DNAJB13: variants seen among roughly 807,000 people sequenced by gnomAD.
The protein encoded by DNAJB13 is dnaJ homolog subfamily B member 13.
DNAJB13 carries 22 observed loss-of-function variants against 35.6 expected under a neutral mutation model. That is an observed-to-expected ratio of 0.62 (90% CI 0.44 to 0.88). The LOEUF is 0.88. DNAJB13 is among the 40% of genes least tolerant of loss of function. DNAJB13 has a pLI of 0.00. For missense variants in DNAJB13, 370 were observed against 384.3 expected, an observed-to-expected ratio of 0.96 and a Z score of 0.31; for synonymous variants, 136 against 144.2, an observed-to-expected ratio of 0.94 and a Z score of 0.41.
intron 1 of DNAJB13, among the ~76,000 whole-genome samples, chr11:73,954,820 G>A (rs1179799117): frequency 1.3e-5 from 2 of 150,862 alleles, no homozygotes. Context: ...GCGTGGTGAC[G>A]GGTACCTGTA....
chr11:73,965,942 G>A, intron 4 of DNAJB13, 196 bp from the exon 5 acceptor site: 1 of 573,652 alleles, frequency 1.7e-6, no homozygotes, highest in Non-Finnish European at 3.1e-6. Context: ...GATGGGAGTG[G>A]GAGTGGCTCA....
At chr11:73,951,997 G>A (rs900144246) in intron 1 of DNAJB13, among the ~76,000 whole-genome samples, 1 of 152,122 alleles carries the variant, frequency 6.6e-6, no homozygotes, top group Non-Finnish European at 1.5e-5. Context: ...TACCACAAGG[G>A]TTGAGAGGGT....
chr11:73,958,569 C>T, intron 2 of DNAJB13, 149 bp downstream of exon 2: 1 of 787,850 alleles, frequency 1.3e-6, no homozygotes, highest in Non-Finnish European at 2.0e-6. Flanking sequence ...AGAATACGGA[C>T]CCGCCTTTCT....
At chr11:73,953,680 A>T (rs1344731212) in intron 1 of DNAJB13, among the ~76,000 whole-genome samples, 1 of 152,154 alleles carries the variant, frequency 6.6e-6, no homozygotes, top group Non-Finnish European at 1.5e-5. Flanking sequence ...AGGCAGGCCC[A>T]GGCCTGGTTT....
chr11:73,959,799 G>C, intron 3 of DNAJB13, 144 bp downstream of exon 3: 1 of 856,780 alleles, frequency 1.2e-6, no homozygotes, highest in South Asian at 3.0e-5. Flanking sequence ...GACTCACTCT[G>C]TTTCCCAGGC....
At chr11:73,967,530 A>G (rs1565178313) in intron 5 of DNAJB13, among the ~76,000 whole-genome samples, 1 of 152,076 alleles carries the variant, frequency 6.6e-6, no homozygotes, top group Non-Finnish European at 1.5e-5. Context: ...GAATCACTTG[A>G]GCTCAGAAGT....
Position 73,958,425 on chromosome 11 carries a change from G to C in DNAJB13, c.172+5G>C. ...CCTACGACGTGCTGAGTGACCGTGA[G>C]TAGGTGTGGGGCTGAGCACCCCGCT... is the stretch of plus-strand genomic sequence containing the variant. On this transcript the variant is annotated splice_donor_5th_base_variant and intron_variant, in intron 2 of 7. Transcript: ENST00000339764. 1 of 1,613,672 alleles carries C rather than the reference G, an allele frequency of 6.2e-7. No homozygotes were observed. Among genetic ancestry groups the C allele is most frequent in the Non-Finnish European group, 8.5e-7 (1 of 1,179,628 alleles).
rs115873423 is a variant in DNAJB13 at position 73,968,792 on chromosome 11, T to A, written c.720+334T>A. Among the ~76,000 whole-genome samples, 3,047 of 152,224 alleles carry A rather than the reference T, an allele frequency of 0.02. 111 individuals are homozygous for A. Among genetic ancestry groups the A allele is most frequent in the African/African-American group, 0.068 (2,809 of 41,522 alleles). Reference sequence around the variant, plus strand: ...GGCCCTCTGCGATCTGCTCCCTGCTTACTCCTTCCCCTGCACTCCCGCCCC... The same window carrying A: ...GGCCCTCTGCGATCTGCTCCCTGCTAACTCCTTCCCCTGCACTCCCGCCCC... On this transcript the variant is annotated intron_variant, in intron 6 of 7. Transcript: ENST00000339764.
At chr11:73,953,760 G>T (rs899277480) in intron 1 of DNAJB13, among the ~76,000 whole-genome samples, 1 of 151,870 alleles carries the variant, frequency 6.6e-6, no homozygotes, top group African/African-American at 2.4e-5. Flanking sequence ...CAGGTACTGA[G>T]TATAAAACAA....
intron 1 of DNAJB13, among the ~76,000 whole-genome samples, chr11:73,956,536 C>G (rs1345305095): frequency 6.6e-6 from 1 of 152,176 alleles, no homozygotes; most frequent in Non-Finnish European, 1.5e-5. Flanking sequence ...GGCGCTGTGG[C>G]TCATGCCTGT....
intron 4 of DNAJB13, 108 bp from the exon 5 acceptor site, chr11:73,966,030 T>G: frequency 1.0e-6 from 1 of 995,556 alleles, no homozygotes. Flanking sequence ...ATAGAGCATC[T>G]TTCACGTGTG....
In DNAJB13 at chr11:73,970,006, G is replaced by A. The variant is rs199708737; in HGVS notation, c.843G>A (p.Pro281=). ...KKVPGEGMPL[P]EDPTKKGDLF... ...TGCCAGGGGAGGGGATGCCATTGCC[G>A]GAGGACCCCACTAAGAAAGGGGATC... is the stretch of plus-strand genomic sequence containing the variant. Residue 281 remains proline (P), a synonymous_variant, in exon 8 of 8, where the codon CCG becomes CCA. Coordinates refer to ENST00000339764, the MANE Select transcript of DNAJB13 (RefSeq NM_153614.4). The A allele has an allele frequency of 1.1e-5, 17 of 1,611,204 alleles. No homozygotes were observed. The highest frequency in any genetic ancestry group is 2.2e-5 in the East Asian group (1 of 44,822).
chr11:73,958,567 G>T (rs1464427526), intron 2 of DNAJB13, 147 bp downstream of exon 2: 2 of 796,918 alleles, frequency 2.5e-6, no homozygotes, highest in African/African-American at 3.5e-5. Flanking sequence ...ACAGAATACG[G>T]ACCCGCCTTT....
Position 73,964,994 on chromosome 11 carries a change from T to G in DNAJB13, c.451T>G (p.Leu151Val). 1 of 1,604,284 alleles carries G rather than the reference T, an allele frequency of 6.2e-7. No individual in the cohort carries two copies. The highest frequency in any genetic ancestry group is 8.5e-7 in the Non-Finnish European group (1 of 1,176,566). The change falls in exon 4 of 8, where the codon TTA becomes GTA. Residue 151 changes from leucine to valine, a missense_variant. By Grantham distance (32) the Leu-to-Val change is conservative. Transcript: ENST00000339764. ...ERDLYLSLED[L>V]FFGCTKKIKI... The stretch of plus-strand genomic sequence containing the variant: ...GGATCTCTACCTGTCCCTGGAGGAC[T>G]TATTCTTTGGCTGCACCAAAAAAAT...
chr11:73,970,026 G>A lies in DNAJB13; in HGVS notation c.863G>A (p.Gly288Glu). 3.1e-6 allele frequency: 5 copies of A among 1,611,784 alleles called. No homozygotes were observed. The highest frequency in any genetic ancestry group is 4.2e-6 in the Non-Finnish European group (5 of 1,178,848). The change falls in exon 8 of 8, where the codon GGG (glycine) becomes GAG (glutamate). Residue 288 changes from glycine (G) to glutamate (E), a missense_variant. By Grantham distance (98) the Gly-to-Glu change is moderately conservative. Transcript: ENST00000339764. Reference sequence around the variant, plus strand: ...TTGCCGGAGGACCCCACTAAGAAAGGGGATCTCTTCATCTTCTTCGACATC... The same window carrying A: ...TTGCCGGAGGACCCCACTAAGAAAGAGGATCTCTTCATCTTCTTCGACATC... The part of the protein sequence containing the change: ...MPLPEDPTKK[G>E]DLFIFFDIQF...
At chr11:73,969,020 C>A (rs111799892) in intron 6 of DNAJB13, among the ~76,000 whole-genome samples, 3 of 152,322 alleles carry the variant, frequency 2.0e-5, no homozygotes, top group African/African-American at 4.8e-5. Flanking sequence ...TTTATTCTGT[C>A]TCCATCATTA....
At position 73,964,942 on chromosome 11, in the gene DNAJB13, C is replaced by A. The variant is rs759437061; in HGVS notation, c.399C>A (p.Val133=). ...LNFGGLQGRG[V]KKQDPQVERD... ...TTGGGGGGCTCCAGGGCCGAGGGGT[C>A]AAGAAGCAGGACCCCCAAGTCGAAC... The change falls in exon 4 of 8, where the codon GTC becomes GTA. Residue 133 remains valine, a synonymous_variant. Coordinates refer to ENST00000339764, the MANE Select transcript of DNAJB13 (RefSeq NM_153614.4). 3.1e-6 allele frequency: 5 copies of A among 1,613,346 alleles called. No individual in the cohort carries two copies. Among genetic ancestry groups the A allele is most frequent in the Non-Finnish European group, 4.2e-6 (5 of 1,179,872 alleles).
Position 73,958,362 on chromosome 11 carries a change from G to A in DNAJB13, c.114G>A (p.Glu38=), listed in dbSNP as rs141838089. 25 of 1,614,038 alleles carry A rather than the reference G, an allele frequency of 1.5e-5. No individual in the cohort carries two copies. The highest frequency in any genetic ancestry group is 1.6e-5 in the Non-Finnish European group (19 of 1,180,038). Residue 38 remains glutamate (E), a synonymous_variant, in exon 2 of 8, where the codon GAG becomes GAA. Transcript: ENST00000339764. ...AGCACCACCCGTTGAAGTCAAATGA[G>A]CCGTCTTCAGCAGAGATTTTCAGGC... ...ALKHHPLKSN[E]PSSAEIFRQI...
intron 5 of DNAJB13, among the ~76,000 whole-genome samples, chr11:73,966,540 A>C (rs1951121504): frequency 1.3e-5 from 2 of 152,134 alleles, no homozygotes; most frequent in African/African-American, 4.8e-5. Context: ...GGGCAAGAAC[A>C]TGGGAGCTGA....
Sources: allele counts gnomAD v4.1 joint callset (sites outside exome capture counted in the v4.1 genomes callset), GRCh38; gene constraint gnomAD v4.1.1; transcripts MANE v1.5; gene names NCBI Gene and HGNC (gene_info 2026-07-23, HGNC 2026-07-21).